The following ZFAT variants were observed in gnomAD, a reference collection of about 807,000 sequenced individuals.
The protein encoded by ZFAT is zinc finger protein ZFAT.
Under a neutral mutation model 117.7 loss-of-function variants are expected in ZFAT, and 64 were observed. That is an observed-to-expected ratio of 0.54 (90% confidence interval 0.44 to 0.67). The LOEUF (loss-of-function observed/expected upper bound fraction) is 0.67, where lower values mean the gene tolerates loss of function less well. Ranked by LOEUF, ZFAT falls within the 30% of genes least tolerant of loss-of-function variation. The pLI is 0.00. For synonymous variants in ZFAT, 679 were observed against 615.0 expected (o/e 1.10, Z -1.54); for missense variants, 1,433 against 1,584.5 (o/e 0.90, Z 1.62).
chr8:134,637,840 T>C, intron 2 of ZFAT, 128 bp from the exon 3 acceptor site: 2 of 1,290,598 alleles, frequency 1.5e-6, no homozygotes, highest in Non-Finnish European at 2.1e-6. Context: ...CTAAAGTGAT[T>C]CCAGACATTA....
At chr8:134,815,723 T>G in the ZFAT span, among the ~76,000 whole-genome samples, 3 of 152,242 alleles carry the variant, frequency 2.0e-5, no homozygotes, top group African/African-American at 4.8e-5. Context: ...GCCAGGAAAC[T>G]TTTTCACTCA....
At chr8:134,753,727 A>C in the ZFAT span, among the ~76,000 whole-genome samples, 3 of 152,250 alleles carry the variant, frequency 2.0e-5, no homozygotes, top group Admixed American at 6.5e-5. Context: ...TCTATGAAGT[A>C]AAATAAACAA....
intron 1 of ZFAT, among the ~76,000 whole-genome samples, chr8:134,704,959 A>C (rs1192329032): frequency 6.6e-6 from 1 of 152,214 alleles, no homozygotes; most frequent in Non-Finnish European, 1.5e-5. Context: ...AACATTTCTT[A>C]AGAGAAGATA....
chr8:134,564,410 C>G (rs1488548528), intron 11 of ZFAT, among the ~76,000 whole-genome samples: 1 of 152,158 alleles, frequency 6.6e-6, no homozygotes, highest in Non-Finnish European at 1.5e-5. Context: ...CAAATCACCC[C>G]AGTGTTTAGT....
intron 2 of ZFAT, among the ~76,000 whole-genome samples, chr8:134,652,704 G>A (rs185519401): frequency 1.3e-5 from 2 of 152,232 alleles, no homozygotes; most frequent in Admixed American, 1.3e-4. Context: ...CCAGCAAAAT[G>A]CAAATTAAAA....
chr8:134,622,545 G>A (rs1255752492), intron 3 of ZFAT, among the ~76,000 whole-genome samples: 1 of 152,066 alleles, frequency 6.6e-6, no homozygotes, highest in South Asian at 2.1e-4. Flanking sequence ...ACAGAGACCC[G>A]AGCGTGTCCC....
chr8:134,606,886 T>C (rs1827930430), intron 5 of ZFAT, among the ~76,000 whole-genome samples: 1 of 151,474 alleles, frequency 6.6e-6, no homozygotes, highest in Non-Finnish European at 1.5e-5. Context: ...CATAAATGAC[T>C]TTTTTTCCCT....
chr8:134,789,759 T>C, the ZFAT span, among the ~76,000 whole-genome samples: 1 of 152,222 alleles, frequency 6.6e-6, no homozygotes, highest in Non-Finnish European at 1.5e-5. Context: ...AAGCCAATGT[T>C]ACATTGGTTC....
intron 10 of ZFAT, among the ~76,000 whole-genome samples, chr8:134,574,635 G>A (rs1413402366): frequency 6.6e-6 from 1 of 151,762 alleles, no homozygotes; most frequent in Non-Finnish European, 1.5e-5. Context: ...AAATTCCTTG[G>A]GATTTAAGGC....
At position 134,602,191 on chromosome 8, in the gene ZFAT, CT is replaced by C. The variant is rs1376903775; in HGVS notation, c.1527del (p.Glu510LysfsTer19). On this transcript the variant is annotated frameshift_variant, in exon 6 of 16. Coordinates refer to ENST00000377838, the MANE Select transcript of ZFAT (RefSeq NM_020863.4). LOFTEE classifies it high-confidence loss of function. ...CLLEPGGDIQQEALGDQLQLV... is the reference protein window; with the variant it reads ...CLLEPGGDIQXEALGDQLQLV... ...AGCTGTAGCTGGTCCCCCAGAGCTT[CT>C]TGCTGGATGTCCCCACCAGGTTCCA... 6.2e-7 allele frequency: 1 copy of C among 1,613,404 alleles called. No homozygotes were observed. The highest frequency in any genetic ancestry group is 8.5e-7 in the Non-Finnish European group (1 of 1,180,016).
At chr8:134,519,984 C>T (rs1284587148) in intron 13 of ZFAT, among the ~76,000 whole-genome samples, 1 of 152,130 alleles carries the variant, frequency 6.6e-6, no homozygotes, top group Non-Finnish European at 1.5e-5. Context: ...ACCACTTGTG[C>T]CTTGCATTCC....
the ZFAT span, among the ~76,000 whole-genome samples, chr8:134,815,082 T>C: frequency 1.3e-5 from 2 of 152,232 alleles, no homozygotes; most frequent in Admixed American, 6.5e-5. Flanking sequence ...AATCCTATAA[T>C]GAAATATATT....
rs868832838 is a variant in ZFAT, at chr8:134,535,636, T to A, written c.2977-2664A>T. Among the ~76,000 whole-genome samples, 7 of 151,954 alleles carry A rather than the reference T, an allele frequency of 4.6e-5. No individual in the cohort carries two copies. In the South Asian group the frequency reaches 1.5e-3, roughly 32 times the overall value. On this transcript the variant is annotated intron_variant, in intron 11 of 15. Coordinates refer to ENST00000377838, the MANE Select transcript of ZFAT (RefSeq NM_020863.4). ...TTGTGCCGCACCGCATGTGCTGTGT[T>A]TCTACATTAAGTCCCTGGGTAAGGA...
intron 2 of ZFAT, among the ~76,000 whole-genome samples, chr8:134,657,027 T>C (rs1412502631): frequency 6.6e-6 from 1 of 152,252 alleles, no homozygotes; most frequent in Non-Finnish European, 1.5e-5. Context: ...TCCAGGTTTA[T>C]AGGAACAGTT....
At chr8:134,816,028 G>A in the ZFAT span, among the ~76,000 whole-genome samples, 1 of 152,182 alleles carries the variant, frequency 6.6e-6, no homozygotes, top group South Asian at 2.1e-4. Context: ...CTGGAACAGT[G>A]TCTGGCATAT....
the ZFAT span, among the ~76,000 whole-genome samples, chr8:134,804,164 C>CA: frequency 6.6e-6 from 1 of 151,960 alleles, no homozygotes; most frequent in Non-Finnish European, 1.5e-5. Flanking sequence ...TGGGGAAACA[C>CA]AAAAAATAGA....
chr8:134,828,159 G>A, the ZFAT span, among the ~76,000 whole-genome samples: 90 of 152,000 alleles, frequency 5.9e-4, no homozygotes, highest in Non-Finnish European at 1.2e-3. Context: ...TTAAAAAATG[G>A]AAAACACTTC....
At chr8:134,635,146 G>A (rs546455038) in intron 3 of ZFAT, among the ~76,000 whole-genome samples, 8 of 152,254 alleles carry the variant, frequency 5.3e-5, no homozygotes, top group South Asian at 2.1e-4. Flanking sequence ...ACAAACCTGC[G>A]GCCCAGGGAT....
rs1284739354 is a variant in ZFAT, at chr8:134,601,853, G to T, written c.1866C>A (p.Ser622Arg). The change falls in exon 6 of 16, where the codon AGC becomes AGA. Residue 622 changes from serine (S) to arginine (R), a missense_variant. Around this residue, in one of 5 missense-constraint regions of ZFAT, gnomAD observed 372 missense variants for 355.6 expected, o/e 1.05. Transcript: ENST00000377838. ...TCACTTCACCTTGCGTCTGGACTGA[G>T]CTTCTGTGCTGCATGTCTGGGGGCT... The part of the protein sequence containing the change: ...PEKPPDMQHR[S>R]SVQTQGEVIT... 8.7e-6 allele frequency: 14 copies of T among 1,612,538 alleles called. No individual in the cohort carries two copies. The highest frequency in any genetic ancestry group is 1.2e-5 in the Non-Finnish European group (14 of 1,179,084).
Sources: gnomAD v4.1 joint callset for allele counts (sites outside exome capture counted in the v4.1 genomes callset) on GRCh38, gnomAD v4.1.1 for gene constraint, gnomAD v4.1.1 regional missense constraint, MANE v1.5 for transcripts, NCBI Gene and HGNC (gene_info 2026-07-23, HGNC 2026-07-21) for gene names.